Variants in VPS45 observed in about 807,000 individuals in gnomAD.
VPS45 encodes the protein vacuolar protein sorting 45 homolog.
Under a neutral mutation model 75.9 loss-of-function variants are expected in VPS45, and 35 were observed. That is an observed-to-expected ratio of 0.46 (90% CI 0.35 to 0.61). The LOEUF is 0.61. Ranked by LOEUF, VPS45 falls within the 20% of genes least tolerant of loss-of-function variation. The pLI is 0.00. For synonymous variants in VPS45, 220 were observed against 238.2 expected, an observed-to-expected ratio of 0.92 and a Z score of 0.70; for missense variants, 559 against 685.9, an observed-to-expected ratio of 0.81 and a Z score of 2.07.
intron 13 of VPS45, among the ~76,000 whole-genome samples, chr1:150,094,419 A>G (rs1334522572): frequency 1.3e-5 from 2 of 152,212 alleles, no homozygotes; most frequent in Non-Finnish European, 2.9e-5. Flanking sequence ...ATAGTGTTTT[A>G]TAAACATAAT....
intron 14 of VPS45, among the ~76,000 whole-genome samples, chr1:150,133,386 C>T (rs375486381): frequency 6.6e-6 from 1 of 151,944 alleles, no homozygotes; most frequent in African/African-American, 2.4e-5. Context: ...CCCATCTCTA[C>T]TAAAAAAAAA....
chr1:150,080,693 A>C (rs1195115533), intron 7 of VPS45, among the ~76,000 whole-genome samples: 1 of 152,186 alleles, frequency 6.6e-6, no homozygotes, highest in Non-Finnish European at 1.5e-5. Flanking sequence ...TATTCTCCAT[A>C]ATTGGTGAAA....
At chr1:150,130,158 C>T (rs1658750856) in intron 14 of VPS45, among the ~76,000 whole-genome samples, 1 of 150,042 alleles carries the variant, frequency 6.7e-6, no homozygotes, top group Non-Finnish European at 1.5e-5. Flanking sequence ...AGCCACTGTG[C>T]CCAGCACACA....
chr1:150,135,552 C>CT (rs1453716670), intron 14 of VPS45, among the ~76,000 whole-genome samples: 4 of 151,974 alleles, frequency 2.6e-5, no homozygotes, highest in African/African-American at 9.7e-5. Flanking sequence ...AGGCATGAGT[C>CT]ACTGGGCCTG....
intron 10 of VPS45, among the ~76,000 whole-genome samples, chr1:150,088,184 C>T (rs587600654): frequency 6.6e-6 from 1 of 152,244 alleles, no homozygotes; most frequent in African/African-American, 2.4e-5. Context: ...TGCTATCTAA[C>T]TGTAGCTTTG....
chr1:150,074,366 G>T (rs1214018286), intron 3 of VPS45, among the ~76,000 whole-genome samples: 1 of 150,346 alleles, frequency 6.7e-6, no homozygotes, highest in Admixed American at 6.6e-5. Context: ...AGCTGGAACT[G>T]CAAAAAAAAA....
intron 10 of VPS45, among the ~76,000 whole-genome samples, chr1:150,089,797 G>T (rs370448744): frequency 1.3e-5 from 2 of 152,100 alleles, no homozygotes; most frequent in Non-Finnish European, 2.9e-5. Context: ...GCTGTATTCC[G>T]TGGCTGCTCT....
intron 3 of VPS45, among the ~76,000 whole-genome samples, chr1:150,073,699 C>T (rs1655206800): frequency 6.6e-6 from 1 of 151,880 alleles, no homozygotes; most frequent in African/African-American, 2.4e-5. Flanking sequence ...TACCCAGCTT[C>T]CCCCTGTGTA....
intron 13 of VPS45, among the ~76,000 whole-genome samples, chr1:150,105,004 G>A (rs1413751042): frequency 2.6e-5 from 4 of 152,184 alleles, no homozygotes; most frequent in Non-Finnish European, 5.9e-5. Flanking sequence ...AGTTCTTTGA[G>A]CTAGTTCCAT....
rs1038879637 is a variant in VPS45 at position 150,125,680 on chromosome 1, A to T, written c.1625+15053A>T. Among the ~76,000 whole-genome samples, 22 of 5,364 alleles carry T rather than the reference A, an allele frequency of 4.1e-3. No individual in the cohort carries two copies. In the South Asian group the frequency reaches 0.058, roughly 14 times the overall value. The allele number at this position is 5,364 out of a possible 152,430, so 3.5% of individuals were successfully genotyped here. A position where few individuals can be genotyped will look rare whatever the true frequency, so the allele number is the denominator to read the frequency against. ...GATAGCATTAGGAGATATATTTTTT[A>T]TTTTTTTTATATTTTTTAATCATTT... On this transcript the variant is annotated intron_variant, in intron 14 of 14. Coordinates refer to ENST00000644510, the MANE Select transcript of VPS45 (RefSeq NM_007259.5).
intron 14 of VPS45, among the ~76,000 whole-genome samples, chr1:150,143,855 C>T (rs1298545777): frequency 3.9e-5 from 6 of 152,118 alleles, no homozygotes; most frequent in South Asian, 2.1e-4. Context: ...GTCACTTAAC[C>T]TCCCCTCTAT....
intron 4 of VPS45, 87 bp downstream of exon 4, chr1:150,076,399 T>G (rs1655388411): frequency 9.1e-7 from 1 of 1,100,304 alleles, no homozygotes; most frequent in Non-Finnish European, 1.3e-6. Flanking sequence ...GAAAGGTCTG[T>G]CTCAAAAGAA....
Position 150,144,924 on chromosome 1 carries a change from C to G in VPS45, c.*128C>G. ...TGTTAGAACTCATCTCCAGGTAGCC[C>G]ACGGATACGTGGTTGGCACAGACAC... On this transcript the variant is annotated 3_prime_UTR_variant, in exon 15 of 15. Coordinates refer to ENST00000644510, the MANE Select transcript of VPS45 (RefSeq NM_007259.5). 1.3e-6 allele frequency: 2 copies of G among 1,547,838 alleles called. No homozygotes were observed. Among genetic ancestry groups the G allele is most frequent in the Non-Finnish European group, 1.7e-6 (2 of 1,151,060 alleles).
Position 150,091,151 on chromosome 1 carries a change from C to T in VPS45, c.1105-786C>T, listed in dbSNP as rs114821600. ...GTATATAGCAGAATAAATTATATTA[C>T]TTTGATCATCCTTCACCCCATTGAC... On this transcript the variant is annotated intron_variant, in intron 10 of 14. Transcript: ENST00000644510. Among the ~76,000 whole-genome samples, 838 of 152,256 alleles carry T rather than the reference C, an allele frequency of 5.5e-3. 4 individuals are homozygous for T. Among genetic ancestry groups the T allele is most frequent in the African/African-American group, 0.019 (796 of 41,548 alleles).
In VPS45 at chr1:150,145,026, G is replaced by C. The variant is rs1047767770; in HGVS notation, c.*230G>C. ...TTTCTCCGGTAGTCTTTATGTATCT[G>C]TTAGCACAATCACTTCAGTTACTGA... On this transcript the variant is annotated 3_prime_UTR_variant, in exon 15 of 15. Coordinates refer to ENST00000644510, the MANE Select transcript of VPS45 (RefSeq NM_007259.5). 8.0e-6 allele frequency: 9 copies of C among 1,119,130 alleles called. No individual in the cohort carries two copies. The East Asian group carries it at 2.3e-4, about 29-fold the overall frequency. The allele number at this position is 1,119,130 out of a possible 1,614,324, so 69.3% of individuals were successfully genotyped here.
chr1:150,126,403 T>C (rs143071623), intron 14 of VPS45, among the ~76,000 whole-genome samples: 4,099 of 151,950 alleles, frequency 0.027, 142 homozygotes, highest in African/African-American at 0.089. Context: ...TTAGTAGAAA[T>C]GGGGTTTCAC....
At chr1:150,142,595 C>T (rs115508115) in intron 14 of VPS45, among the ~76,000 whole-genome samples, 185 of 152,330 alleles carry the variant, frequency 1.2e-3, no homozygotes, top group African/African-American at 4.3e-3. Context: ...GGTCATTCCT[C>T]CAGTCCTCTG....
chr1:150,093,191 T>C lies in VPS45; in HGVS notation c.1372-336T>C, dbSNP rs72694906. Among the ~76,000 whole-genome samples, 23,727 of 152,082 alleles carry C rather than the reference T, an allele frequency of 0.16. 2,026 individuals carry two copies. Among genetic ancestry groups the C allele is most frequent in the African/African-American group, 0.19 (7,990 of 41,482 alleles). Reference sequence around the variant, plus strand: ...AGTTTTTCTATTTTCCTGGGTATTTTCAGTCTTTTTTATACATAATCCTTT... The same window carrying C: ...AGTTTTTCTATTTTCCTGGGTATTTCCAGTCTTTTTTATACATAATCCTTT... On this transcript the variant is annotated intron_variant, in intron 12 of 14. Transcript: ENST00000644510.
intron 13 of VPS45, among the ~76,000 whole-genome samples, chr1:150,101,351 A>G (rs1553804252): frequency 6.6e-6 from 1 of 152,226 alleles, no homozygotes. Flanking sequence ...CATATGAAAA[A>G]AAACTCAGTA....
Sources: allele counts gnomAD v4.1 joint callset (sites outside exome capture counted in the v4.1 genomes callset), GRCh38; gene constraint gnomAD v4.1.1; transcripts MANE v1.5; gene names NCBI Gene and HGNC (gene_info 2026-07-23, HGNC 2026-07-21).